The following SH3RF3 variants were observed in gnomAD, a reference collection of about 807,000 sequenced individuals.
SH3RF3 encodes SH3 domain containing ring finger 3.
SH3RF3 carries 29 observed loss-of-function variants against 66.3 expected under a neutral mutation model. The ratio of observed to expected loss-of-function variants is 0.44; its 90% CI spans 0.33 to 0.60. SH3RF3 has a LOEUF of 0.60. Ranked by LOEUF, SH3RF3 falls within the 20% of genes least tolerant of loss-of-function variation. SH3RF3 has a pLI of 0.04. For synonymous variants in SH3RF3, 583 were observed against 532.0 expected, an observed-to-expected ratio of 1.10 and a Z score of -1.32; for missense variants, 1,194 against 1,190.9, an observed-to-expected ratio of 1.00 and a Z score of -0.04.
chr2:109,173,790 G>C (rs1446881491), intron 1 of SH3RF3, among the ~76,000 whole-genome samples: 1 of 152,194 alleles, frequency 6.6e-6, no homozygotes. Flanking sequence ...GCTCAGTGTC[G>C]GCCCCTGACC....
chr2:109,439,231 C>T (rs1159490263), intron 7 of SH3RF3, among the ~76,000 whole-genome samples: 1 of 152,134 alleles, frequency 6.6e-6, no homozygotes, highest in Non-Finnish European at 1.5e-5. Flanking sequence ...CATTCTCTTC[C>T]ATCAGTTTAA....
At chr2:109,146,892 C>A (rs4076308) in intron 1 of SH3RF3, among the ~76,000 whole-genome samples, 1 of 88,410 alleles carries the variant, frequency 1.1e-5, no homozygotes. Flanking sequence ...CCCTCCCCCC[C>A]CCCCCCCCCG....
chr2:109,350,277 T>C (rs1376889075), intron 2 of SH3RF3, among the ~76,000 whole-genome samples: 4 of 152,260 alleles, frequency 2.6e-5, no homozygotes, highest in Admixed American at 2.0e-4. Context: ...CTTGGTTGAA[T>C]TGAGGTCAGA....
At chr2:109,433,545 G>C (rs145530326) in intron 6 of SH3RF3, among the ~76,000 whole-genome samples, 1 of 152,218 alleles carries the variant, frequency 6.6e-6, no homozygotes, top group African/African-American at 2.4e-5. Context: ...ACACAGAAGC[G>C]AAAGACGTGG....
chr2:109,319,739 C>A (rs1681977770), intron 1 of SH3RF3, among the ~76,000 whole-genome samples: 1 of 152,222 alleles, frequency 6.6e-6, no homozygotes, highest in Non-Finnish European at 1.5e-5. Context: ...AGCCTGCCTG[C>A]CCCCAGCCTG....
chr2:109,151,241 G>A (rs548166960), intron 1 of SH3RF3, among the ~76,000 whole-genome samples: 5 of 152,262 alleles, frequency 3.3e-5, no homozygotes, highest in African/African-American at 7.2e-5. Context: ...CTTCTTGTCC[G>A]AGGCTTTTTC....
chr2:109,306,495 G>A (rs1454706007), intron 1 of SH3RF3, among the ~76,000 whole-genome samples: 2 of 152,220 alleles, frequency 1.3e-5, no homozygotes, highest in Admixed American at 1.3e-4. Context: ...GCCATGGAGG[G>A]GCAGGGCAGG....
chr2:109,257,441 G>A (rs1449917588), intron 1 of SH3RF3, among the ~76,000 whole-genome samples: 1 of 152,026 alleles, frequency 6.6e-6, no homozygotes, highest in East Asian at 1.9e-4. Context: ...GGGACGGAGG[G>A]AGGGAGGAAG....
chr2:109,447,703 T>C (rs1241445309), intron 7 of SH3RF3, among the ~76,000 whole-genome samples: 1 of 152,198 alleles, frequency 6.6e-6, no homozygotes, highest in Non-Finnish European at 1.5e-5. Context: ...TTCATCCATA[T>C]TTATTAAGGA....
At chr2:109,410,926 G>T (rs1035074036) in intron 4 of SH3RF3, among the ~76,000 whole-genome samples, 1 of 152,148 alleles carries the variant, frequency 6.6e-6, no homozygotes, top group African/African-American at 2.4e-5. Flanking sequence ...TTACTCAAAG[G>T]CACCTGGAGC....
rs1267471363 is a variant in SH3RF3, at chr2:109,419,774, C to CT, written c.1403+133dup. On this transcript the variant is annotated intron_variant, in intron 5 of 9. Coordinates refer to ENST00000309415, the MANE Select transcript of SH3RF3 (RefSeq NM_001099289.3). ...AGTTGGCCAGTATAGTTATGTGCGT[C>CT]TAATAACACCGCTGAAGGGAGAGTG... 3.8e-5 allele frequency: 29 copies of CT among 764,384 alleles called. No homozygotes were observed. In the East Asian group the frequency reaches 7.9e-4, roughly 21 times the overall value. 47.4% of individuals were successfully genotyped at this position (764,384 alleles called of 1,614,324 possible).
At chr2:109,493,666 A>G (rs919745832) in intron 9 of SH3RF3, among the ~76,000 whole-genome samples, 1 of 151,714 alleles carries the variant, frequency 6.6e-6, no homozygotes, top group African/African-American at 2.4e-5. Flanking sequence ...CACATATTAT[A>G]CAAACACATC....
intron 1 of SH3RF3, among the ~76,000 whole-genome samples, chr2:109,294,851 G>T (rs1681272203): frequency 6.6e-6 from 1 of 152,184 alleles, no homozygotes; most frequent in Non-Finnish European, 1.5e-5. Flanking sequence ...GGCATCTTGG[G>T]GTGCACAGAG....
chr2:109,322,359 C>T (rs141222240), intron 1 of SH3RF3, among the ~76,000 whole-genome samples: 120 of 152,216 alleles, frequency 7.9e-4, no homozygotes, highest in Middle Eastern at 6.8e-3. Context: ...CAACATGTGC[C>T]GAAATGTTCC....
intron 2 of SH3RF3, 27 bp downstream of exon 2, chr2:109,347,976 G>T: frequency 6.4e-7 from 1 of 1,569,150 alleles, no homozygotes; most frequent in Non-Finnish European, 8.6e-7. Context: ...GGTGGGCCCC[G>T]CCAGCCCATG....
rs1395021702 is a variant in SH3RF3 at position 109,495,372 on chromosome 2, C to T, written c.2480+4436C>T. 1.3e-5 allele frequency among the ~76,000 whole-genome samples: 2 copies of T among 152,032 alleles called. 1 individual carries two copies. The highest frequency in any genetic ancestry group is 1.3e-4 in the Admixed American group (2 of 15,262). On this transcript the variant is annotated intron_variant, in intron 9 of 9. Coordinates refer to ENST00000309415, the MANE Select transcript of SH3RF3 (RefSeq NM_001099289.3). Reference sequence around the variant, plus strand: ...CTCCTGCCCACTGGATGCCTGCCTCCTGGCTCTTCTGCACCTTGGCAGTAT... The same window carrying T: ...CTCCTGCCCACTGGATGCCTGCCTCTTGGCTCTTCTGCACCTTGGCAGTAT...
chr2:109,163,988 A>G (rs1677557001), intron 1 of SH3RF3, among the ~76,000 whole-genome samples: 1 of 151,942 alleles, frequency 6.6e-6, no homozygotes, highest in African/African-American at 2.4e-5. Flanking sequence ...TTCCCCCTAC[A>G]TCCTCTCCAG....
intron 3 of SH3RF3, among the ~76,000 whole-genome samples, chr2:109,396,358 C>T (rs867796483): frequency 4.6e-5 from 7 of 152,160 alleles, no homozygotes; most frequent in Non-Finnish European, 7.4e-5. Context: ...TGTTGGAGCC[C>T]GGAGTGAGGT....
intron 1 of SH3RF3, among the ~76,000 whole-genome samples, chr2:109,169,930 A>G (rs1446328865): frequency 6.6e-6 from 1 of 152,188 alleles, no homozygotes. Context: ...GTGCAGAAGT[A>G]TATGAGTTTT....
Sources: allele counts gnomAD v4.1 joint callset (sites outside exome capture counted in the v4.1 genomes callset), GRCh38; gene constraint gnomAD v4.1.1; transcripts MANE v1.5; gene names NCBI Gene and HGNC (gene_info 2026-07-23, HGNC 2026-07-21).